The following AKAP6 variants were observed in gnomAD, a reference collection of about 807,000 sequenced individuals.
The protein encoded by AKAP6 is A-kinase anchoring protein 6.
A neutral mutation model predicts 188.5 loss-of-function variants in AKAP6; 58 were observed. The observed-to-expected ratio is 0.31, with a 90% CI of 0.25 to 0.38. The LOEUF (loss-of-function observed/expected upper bound fraction) is 0.38, where lower values mean the gene tolerates loss of function less well. AKAP6 is among the 10% of genes least tolerant of loss of function. AKAP6 has a pLI of 1.00. For synonymous variants in AKAP6, 989 were observed against 998.6 expected, an observed-to-expected ratio of 0.99 and a Z score of 0.18; for missense variants, 2,710 against 2,740.0, an observed-to-expected ratio of 0.99 and a Z score of 0.24.
chr14:32,492,337 AAT>A (rs148154496), intron 2 of AKAP6, among the ~76,000 whole-genome samples: 2,016 of 76,768 alleles, frequency 0.026, 63 homozygotes, highest in African/African-American at 0.066. Context: ...ACTACATTGT[AAT>A]ATATATATAT....
At chr14:32,766,943 C>CTT (rs907561585) in intron 11 of AKAP6, among the ~76,000 whole-genome samples, 18 of 152,010 alleles carry the variant, frequency 1.2e-4, no homozygotes, top group African/African-American at 3.9e-4. Context: ...AGTTTTAGCT[C>CTT]TTACAATTAA....
intron 1 of AKAP6, among the ~76,000 whole-genome samples, chr14:32,430,434 T>C (rs1215262378): frequency 6.6e-6 from 1 of 152,206 alleles, no homozygotes; most frequent in Admixed American, 6.5e-5. Context: ...GTGTGTTTTT[T>C]AGTTTACGGT....
At position 32,837,482 on chromosome 14, in the gene AKAP6, T is replaced by TA. The variant is rs972907412; in HGVS notation, c.*7683dup. ...CCAATATTCCCTAACCACTGGTTTA[T>TA]AAAAAATACTCTAAGGTTTATAGAA... is the stretch of plus-strand genomic sequence containing the variant. On this transcript the variant is annotated 3_prime_UTR_variant, in exon 14 of 14. Coordinates refer to ENST00000280979, the MANE Select transcript of AKAP6 (RefSeq NM_004274.5). The TA allele has an allele frequency of 2.6e-5, 4 of 152,202 alleles. No individual in the cohort carries two copies. The highest frequency in any genetic ancestry group is 7.2e-5 in the African/African-American group (3 of 41,456). The allele number at this position is 152,202 out of a possible 1,614,324, so 9.4% of individuals were successfully genotyped here.
intron 2 of AKAP6, among the ~76,000 whole-genome samples, chr14:32,523,947 A>G (rs1252032951): frequency 1.3e-5 from 2 of 152,206 alleles, no homozygotes; most frequent in Non-Finnish European, 2.9e-5. Flanking sequence ...GGCTTCAATC[A>G]ACAAATCCAA....
At chr14:32,362,403 T>C (rs1887693648) in intron 1 of AKAP6, among the ~76,000 whole-genome samples, 1 of 152,172 alleles carries the variant, frequency 6.6e-6, no homozygotes, top group African/African-American at 2.4e-5. Flanking sequence ...CAAAGTAATG[T>C]GGGTAAAATG....
intron 5 of AKAP6, among the ~76,000 whole-genome samples, chr14:32,598,512 T>C (rs1267254020): frequency 6.6e-6 from 1 of 152,188 alleles, no homozygotes; most frequent in Non-Finnish European, 1.5e-5. Flanking sequence ...GTTCAATGGA[T>C]ATCCACAATT....
chr14:32,513,687 CAAAAG>C (rs2139032603), intron 2 of AKAP6, among the ~76,000 whole-genome samples: 1 of 152,084 alleles, frequency 6.6e-6, no homozygotes, highest in South Asian at 2.1e-4. Context: ...TTATTTCTCA[CAAAAG>C]AAATACATCT....
At chr14:32,338,283 C>T (rs1030566915) in intron 1 of AKAP6, among the ~76,000 whole-genome samples, 1 of 152,070 alleles carries the variant, frequency 6.6e-6, no homozygotes, top group East Asian at 1.9e-4. Context: ...CATATATGCT[C>T]AGATACCCAA....
rs1566748001 is a variant in AKAP6 at position 32,835,752 on chromosome 14, A to C, written c.*5947A>C. 7.8e-6 allele frequency: 1 copy of C among 127,644 alleles called. No individual in the cohort carries two copies. The highest frequency in any genetic ancestry group is 1.9e-5 in the Non-Finnish European group (1 of 52,762). The allele number at this position is 127,644 out of a possible 1,614,324, so 7.9% of individuals were successfully genotyped here. ...TAAAAAGAAGATGTTCAAAAAGAAT[A>C]GTCCTTCTTTTCTTTCTTAAATTCA... On this transcript the variant is annotated 3_prime_UTR_variant, in exon 14 of 14. Coordinates refer to ENST00000280979, the MANE Select transcript of AKAP6 (RefSeq NM_004274.5).
intron 12 of AKAP6, among the ~76,000 whole-genome samples, chr14:32,817,709 C>A (rs1386495084): frequency 6.6e-6 from 1 of 152,096 alleles, no homozygotes; most frequent in Non-Finnish European, 1.5e-5. Context: ...TGTCTAAATT[C>A]ATTTAGATTT....
chr14:32,527,664 G>A (rs908498126), intron 2 of AKAP6, among the ~76,000 whole-genome samples: 1 of 152,026 alleles, frequency 6.6e-6, no homozygotes, highest in African/African-American at 2.4e-5. Context: ...TGTTTTAATG[G>A]TATCTCATTG....
intron 7 of AKAP6, among the ~76,000 whole-genome samples, chr14:32,608,100 G>A (rs550125262): frequency 1.3e-5 from 2 of 152,080 alleles, no homozygotes; most frequent in East Asian, 1.9e-4. Context: ...TCTAAGATGA[G>A]GAATTTTTTA....
chr14:32,351,185 A>C (rs1887254474), intron 1 of AKAP6, among the ~76,000 whole-genome samples: 1 of 152,238 alleles, frequency 6.6e-6, no homozygotes, highest in Non-Finnish European at 1.5e-5. Context: ...TATCTTATAG[A>C]CATTAAATAG....
chr14:32,748,942 A>G (rs75928638), intron 11 of AKAP6, among the ~76,000 whole-genome samples: 5,844 of 152,268 alleles, frequency 0.038, 382 homozygotes, highest in African/African-American at 0.13. Context: ...GAGTGCACAC[A>G]CAAGTGTACA....
intron 1 of AKAP6, among the ~76,000 whole-genome samples, chr14:32,331,925 C>T (rs1006688136): frequency 6.6e-6 from 1 of 152,068 alleles, no homozygotes; most frequent in Admixed American, 6.6e-5. Flanking sequence ...GAAGTTAATT[C>T]TTTGCCGATA....
intron 1 of AKAP6, among the ~76,000 whole-genome samples, chr14:32,337,678 C>T (rs754000515): frequency 1.4e-4 from 21 of 151,562 alleles, no homozygotes; most frequent in Non-Finnish European, 1.8e-4. Context: ...CCCATTAACT[C>T]GTCATTTAGC....
intron 2 of AKAP6, among the ~76,000 whole-genome samples, chr14:32,472,410 A>T (rs963836507): frequency 6.6e-6 from 1 of 152,182 alleles, no homozygotes; most frequent in Non-Finnish European, 1.5e-5. Context: ...GAGGGCAAGT[A>T]TAAATGCTGT....
intron 7 of AKAP6, among the ~76,000 whole-genome samples, chr14:32,624,586 A>T (rs1299744406): frequency 1.3e-5 from 2 of 152,162 alleles, no homozygotes; most frequent in Non-Finnish European, 2.9e-5. Context: ...AGCATTTTAT[A>T]TATTACAGAG....
chr14:32,780,015 C>T (rs2033191932), intron 12 of AKAP6, among the ~76,000 whole-genome samples: 1 of 151,818 alleles, frequency 6.6e-6, no homozygotes. Flanking sequence ...TCTTGTAGGT[C>T]TATACCCAAA....
Sources: gnomAD v4.1 joint callset for allele counts (sites outside exome capture counted in the v4.1 genomes callset) on GRCh38, gnomAD v4.1.1 for gene constraint, MANE v1.5 for transcripts, NCBI Gene and HGNC (gene_info 2026-07-23, HGNC 2026-07-21) for gene names.